TENM3: variants seen among roughly 807,000 people sequenced by gnomAD.
TENM3 encodes the protein teneurin-3.
Under a neutral mutation model 255.1 loss-of-function variants are expected in TENM3, and 63 were observed. The ratio of observed to expected loss-of-function variants is 0.25; its 90% CI spans 0.20 to 0.30. TENM3 has a LOEUF of 0.30. Ranked by LOEUF, TENM3 falls within the 10% of genes least tolerant of loss-of-function variation. The pLI, the probability that TENM3 is intolerant of heterozygous loss-of-function variation, is 1.00. For synonymous variants in TENM3, 1,306 were observed against 1,322.3 expected (o/e 0.99, Z 0.27); for missense variants, 2,929 against 3,461.1 (o/e 0.85, Z 3.86).
intron 1 of TENM3, among the ~76,000 whole-genome samples, chr4:182,200,729 A>G (rs1754135618): frequency 6.6e-6 from 1 of 152,140 alleles, no homozygotes; most frequent in African/African-American, 2.4e-5. Flanking sequence ...TCCTTTCAGT[A>G]TCCTGAATTC....
At chr4:181,681,402 G>A in the TENM3 span, among the ~76,000 whole-genome samples, 18 of 152,102 alleles carry the variant, frequency 1.2e-4, no homozygotes, top group East Asian at 2.3e-3. Context: ...TCTCCCCCCT[G>A]TTCTGAAGGC....
At chr4:181,457,206 T>A in the TENM3 span, among the ~76,000 whole-genome samples, 280 of 151,966 alleles carry the variant, frequency 1.8e-3, no homozygotes, top group African/African-American at 6.6e-3. Flanking sequence ...ATGATTTATA[T>A]TTATTAATAA....
At chr4:182,247,197 C>A (rs1448132366) in intron 1 of TENM3, among the ~76,000 whole-genome samples, 2 of 152,114 alleles carry the variant, frequency 1.3e-5, no homozygotes, top group Non-Finnish European at 2.9e-5. Flanking sequence ...GCTGATCAGT[C>A]CTGAGGTGCT....
intron 12 of TENM3, among the ~76,000 whole-genome samples, chr4:182,705,180 T>G (rs940402289): frequency 6.6e-6 from 1 of 152,214 alleles, no homozygotes; most frequent in Non-Finnish European, 1.5e-5. Context: ...ATTTGTAGAC[T>G]GTAGCTTTTC....
chr4:182,769,389 G>A (rs1019748504), intron 22 of TENM3, among the ~76,000 whole-genome samples: 11 of 151,554 alleles, frequency 7.3e-5, no homozygotes, highest in African/African-American at 2.2e-4. Flanking sequence ...TGACATAGGT[G>A]CTAATCTGTG....
the TENM3 span, among the ~76,000 whole-genome samples, chr4:181,939,615 TTC>T: frequency 1.3e-5 from 2 of 152,240 alleles, no homozygotes; most frequent in Non-Finnish European, 2.9e-5. Flanking sequence ...ATTTCTCCAC[TTC>T]TTTCTCTTAG....
intron 3 of TENM3, among the ~76,000 whole-genome samples, chr4:182,459,300 C>G (rs979862412): frequency 3.3e-5 from 5 of 151,950 alleles, no homozygotes; most frequent in Non-Finnish European, 7.4e-5. Flanking sequence ...AAGGCAACAA[C>G]TCCTGTGTTG....
intron 3 of TENM3, among the ~76,000 whole-genome samples, chr4:182,433,218 A>T (rs902169385): frequency 1.3e-5 from 2 of 152,116 alleles, no homozygotes; most frequent in Non-Finnish European, 2.9e-5. Flanking sequence ...ATAAGAGAAG[A>T]TGTTGGAGAA....
chr4:182,296,091 G>A (rs904190223), intron 1 of TENM3, among the ~76,000 whole-genome samples: 1 of 152,104 alleles, frequency 6.6e-6, no homozygotes, highest in African/African-American at 2.4e-5. Context: ...AGCCTCCCGA[G>A]TAGCTGGGAT....
the TENM3 span, among the ~76,000 whole-genome samples, chr4:182,104,366 A>T: frequency 3.3e-5 from 5 of 152,098 alleles, no homozygotes; most frequent in African/African-American, 1.2e-4. Flanking sequence ...TCCCATCTCC[A>T]TATCTTGTAG....
At position 182,220,143 on chromosome 4, in the gene TENM3, A is replaced by G. The variant is rs566967215; in HGVS notation, c.-76+75389A>G. ...CGAAATCCCAGCACTTTGGGAGGCC[A>G]AGGTGGGCGGATCACCTGAGGTCAG... is the stretch of plus-strand genomic sequence containing the variant. On this transcript the variant is annotated intron_variant, in intron 1 of 2. Transcript: ENST00000512480. Among the ~76,000 whole-genome samples the G allele has an allele frequency of 9.2e-5, 14 of 152,186 alleles. No homozygotes were observed. The East Asian group carries it at 2.7e-3, about 29-fold the overall frequency.
chr4:181,961,078 G>A, the TENM3 span, among the ~76,000 whole-genome samples: 1 of 152,072 alleles, frequency 6.6e-6, no homozygotes, highest in Non-Finnish European at 1.5e-5. Context: ...ACCCAAATTA[G>A]GAATAAGAAA....
At chr4:181,937,987 C>T in the TENM3 span, among the ~76,000 whole-genome samples, 1 of 152,156 alleles carries the variant, frequency 6.6e-6, no homozygotes, top group Non-Finnish European at 1.5e-5. Context: ...CCTATATCAC[C>T]AAGCCACTGA....
chr4:181,839,373 A>C, the TENM3 span, among the ~76,000 whole-genome samples: 3 of 49,028 alleles, frequency 6.1e-5, no homozygotes, highest in South Asian at 6.1e-4. Flanking sequence ...ATATATATAT[A>C]TATATATATA....
At chr4:182,659,533 C>G (rs1754041843) in intron 6 of TENM3, among the ~76,000 whole-genome samples, 1 of 152,142 alleles carries the variant, frequency 6.6e-6, no homozygotes, top group African/African-American at 2.4e-5. Flanking sequence ...AGAAGGGATT[C>G]CTATATTAGG....
At chr4:181,891,707 C>A in the TENM3 span, among the ~76,000 whole-genome samples, 1 of 152,168 alleles carries the variant, frequency 6.6e-6, no homozygotes, top group Non-Finnish European at 1.5e-5. Flanking sequence ...TCATTTATTT[C>A]CAGTTGTTTA....
chr4:181,734,688 A>G, the TENM3 span, among the ~76,000 whole-genome samples: 1 of 152,218 alleles, frequency 6.6e-6, no homozygotes, highest in African/African-American at 2.4e-5. Flanking sequence ...CAAAGCACAG[A>G]AAAAGAATTC....
chr4:181,849,815 G>T, the TENM3 span, among the ~76,000 whole-genome samples: 1 of 152,108 alleles, frequency 6.6e-6, no homozygotes. Context: ...GCCATGGATT[G>T]AATGAAAGAC....
the TENM3 span, among the ~76,000 whole-genome samples, chr4:181,759,726 G>A: frequency 1.2e-5 from 1 of 81,956 alleles, no homozygotes; most frequent in Non-Finnish European, 2.8e-5. Context: ...ATCAACAGAT[G>A]TGTGTGTGTG....
Sources: gnomAD v4.1 joint callset for allele counts (sites outside exome capture counted in the v4.1 genomes callset) on GRCh38, gnomAD v4.1.1 for gene constraint, MANE v1.5 for transcripts, NCBI Gene and HGNC (gene_info 2026-07-23, HGNC 2026-07-21) for gene names.